SLC9A8: variants seen among roughly 807,000 people sequenced by gnomAD.
The protein encoded by SLC9A8 is sodium/hydrogen exchanger 8.
A neutral mutation model predicts 66.6 loss-of-function variants in SLC9A8; 48 were observed. The observed-to-expected ratio is 0.72, with a 90% confidence interval of 0.57 to 0.92. The LOEUF (loss-of-function observed/expected upper bound fraction) is 0.92. Ranked by LOEUF, SLC9A8 falls within the 40% of genes least tolerant of loss-of-function variation. SLC9A8 has a pLI of 0.00. For synonymous variants in SLC9A8, 274 were observed against 282.6 expected, an observed-to-expected ratio of 0.97 and a Z score of 0.31; for missense variants, 599 against 747.3, an observed-to-expected ratio of 0.80 and a Z score of 2.31.
intron 15 of SLC9A8, among the ~76,000 whole-genome samples, 188 bp from the exon 16 acceptor site, chr20:49,887,641 G>A (rs1024698299): frequency 6.6e-6 from 1 of 152,088 alleles, no homozygotes; most frequent in Non-Finnish European, 1.5e-5. Flanking sequence ...GACACCTCCC[G>A]TGACCTCCAC....
chr20:49,875,652 G>GCT (rs1321744167), intron 11 of SLC9A8, among the ~76,000 whole-genome samples: 1 of 152,132 alleles, frequency 6.6e-6, no homozygotes, highest in Non-Finnish European at 1.5e-5. Flanking sequence ...TCGGGGAACA[G>GCT]CTCTCACCAT....
intron 3 of SLC9A8, chr20:49,830,741 G>C (rs760167701): frequency 2.7e-6 from 2 of 738,698 alleles, no homozygotes; most frequent in Non-Finnish European, 4.8e-6. Context: ...AGATGATGCT[G>C]ATTGTAAACA....
intron 3 of SLC9A8, among the ~76,000 whole-genome samples, chr20:49,833,459 CA>C (rs973576228): frequency 3.3e-5 from 5 of 152,010 alleles, no homozygotes; most frequent in Admixed American, 1.3e-4. Context: ...TTCTTGGTAA[CA>C]AAAAAAATTA....
intron 4 of SLC9A8, among the ~76,000 whole-genome samples, chr20:49,842,059 A>ATTTTTTTTTTTT (rs201138846): frequency 7.0e-6 from 1 of 142,374 alleles, no homozygotes; most frequent in African/African-American, 2.6e-5. Flanking sequence ...ATTTTATTTT[A>ATTTTTTTTTTTT]TTTTTTTTTT....
At chr20:49,880,525 T>G (rs1001748542) in intron 12 of SLC9A8, among the ~76,000 whole-genome samples, 3 of 152,192 alleles carry the variant, frequency 2.0e-5, no homozygotes, top group Non-Finnish European at 4.4e-5. Flanking sequence ...AGTCCTGGTA[T>G]GATCAATGCA....
At chr20:49,844,044 T>C (rs1434610711) in intron 4 of SLC9A8, among the ~76,000 whole-genome samples, 2 of 152,172 alleles carry the variant, frequency 1.3e-5, no homozygotes, top group South Asian at 2.1e-4. Flanking sequence ...AAGGTTCTTA[T>C]CAGATACCCA....
chr20:49,847,658 A>G (rs985726857), intron 5 of SLC9A8, among the ~76,000 whole-genome samples: 2 of 152,142 alleles, frequency 1.3e-5, no homozygotes, highest in African/African-American at 2.4e-5. Flanking sequence ...GATTACAGTA[A>G]GATTATCATC....
chr20:49,839,387 G>T (rs914163377), intron 3 of SLC9A8, among the ~76,000 whole-genome samples, 154 bp from the exon 4 acceptor site: 33 of 152,196 alleles, frequency 2.2e-4, no homozygotes, highest in African/African-American at 7.5e-4. Flanking sequence ...TGTGATAGAT[G>T]TCTCACGTCT....
chr20:49,886,546 G>T lies in SLC9A8; in HGVS notation c.1492-206G>T. On this transcript the variant is annotated intron_variant, in intron 14 of 15. Coordinates refer to ENST00000361573, the MANE Select transcript of SLC9A8 (RefSeq NM_015266.3). The surrounding 1 kb of genome is among the most constrained non-coding windows in gnomAD (Gnocchi z 4.8). ...TTCTGTTTTAGCTGTCCTAGGTGGG[G>T]TCCTGGGCATCCATTGTGCCCTGAT... 1.8e-6 allele frequency: 1 copy of T among 563,078 alleles called. No homozygotes were observed. The highest frequency in any genetic ancestry group is 3.1e-5 in the East Asian group (1 of 32,782). 34.9% of individuals were successfully genotyped at this position (563,078 alleles called of 1,614,324 possible). A position where few individuals can be genotyped will look rare whatever the true frequency, so the allele number is the denominator to read the frequency against.
rs2090059860 is a variant in SLC9A8 at position 49,892,176 on chromosome 20, A to G, written c.*4240A>G. Reference sequence around the variant, plus strand: ...GTTGGACTCTTTAAGGGAGTCAGGAATAGATGTATGAACAGTCGTGTCACT... The same window carrying G: ...GTTGGACTCTTTAAGGGAGTCAGGAGTAGATGTATGAACAGTCGTGTCACT... On this transcript the variant is annotated 3_prime_UTR_variant, in exon 16 of 16. Coordinates refer to ENST00000361573, the MANE Select transcript of SLC9A8 (RefSeq NM_015266.3). 1 of 152,210 alleles carries G rather than the reference A, an allele frequency of 6.6e-6. No individual in the cohort carries two copies. Among genetic ancestry groups the G allele is most frequent in the African/African-American group, 2.4e-5 (1 of 41,438 alleles). 9.4% of individuals were successfully genotyped at this position (152,210 alleles called of 1,614,324 possible). A position where few individuals can be genotyped will look rare whatever the true frequency, so the allele number is the denominator to read the frequency against.
At position 49,830,938 on chromosome 20, in the gene SLC9A8, G is replaced by A; in HGVS notation, c.289+7797G>A. On this transcript the variant is annotated intron_variant, in intron 3 of 15. Coordinates refer to ENST00000361573, the MANE Select transcript of SLC9A8 (RefSeq NM_015266.3). ...CCTGATTTCTACTGAAATACATGCA[G>A]AAGGATCTCTGCTTAGCCATTGCGC... 6.0e-6 allele frequency: 5 copies of A among 830,920 alleles called. No homozygotes were observed. In the South Asian group the frequency reaches 6.6e-5, roughly 11 times the overall value. 51.5% of individuals were successfully genotyped at this position (830,920 alleles called of 1,614,324 possible). A position where few individuals can be genotyped will look rare whatever the true frequency, so the allele number is the denominator to read the frequency against.
At position 49,874,733 on chromosome 20, in the gene SLC9A8, C is replaced by CAA; in HGVS notation, c.987_988insAA (p.Val330LysfsTer2). ...TCATGGCCATCCTTTTCTCAGGCAT[C>CAA]GTGATGTCCCACTACACGCACCATA... On this transcript the variant is annotated frameshift_variant, in exon 11 of 16. Coordinates refer to ENST00000361573, the MANE Select transcript of SLC9A8 (RefSeq NM_015266.3). LOFTEE classifies it high-confidence loss of function. 1 of 1,612,450 alleles carries CAA rather than the reference C, an allele frequency of 6.2e-7. No individual in the cohort carries two copies. Among genetic ancestry groups the CAA allele is most frequent in the Non-Finnish European group, 8.5e-7 (1 of 1,178,460 alleles).
At chr20:49,813,068 G>A in intron 1 of SLC9A8, 120 bp downstream of exon 1, 1 of 592,474 alleles carries the variant, frequency 1.7e-6, no homozygotes, top group Admixed American at 4.8e-5. Context: ...GGTTGGCCAG[G>A]ACTGACCAAG....
intron 5 of SLC9A8, among the ~76,000 whole-genome samples, chr20:49,849,123 C>T (rs952757487): frequency 4.6e-5 from 7 of 152,100 alleles, no homozygotes; most frequent in South Asian, 4.1e-4. Context: ...ACAACCTGCT[C>T]GAAGCCACCA....
chr20:49,834,208 TATATATAC>T (rs1246260305), intron 3 of SLC9A8, among the ~76,000 whole-genome samples: 24 of 115,574 alleles, frequency 2.1e-4, no homozygotes, highest in African/African-American at 7.3e-4. Flanking sequence ...TATATATATA[TATATATAC>T]ACACACACAC....
rs3091810 is a variant in SLC9A8, at chr20:49,847,907, G to GTTTTT, written c.433-1657_433-1653dup. ...CAAACAGGTCAAAACTGATTAATCT[G>GTTTTT]TTTTTTTTTTTTTTTTTTTGAGATG... On this transcript the variant is annotated intron_variant, in intron 5 of 15. Coordinates refer to ENST00000361573, the MANE Select transcript of SLC9A8 (RefSeq NM_015266.3). Among the ~76,000 whole-genome samples the GTTTTT allele has an allele frequency of 3.0e-4, 34 of 115,168 alleles. 2 individuals are homozygous for GTTTTT. The highest frequency in any genetic ancestry group is 4.4e-4 in the African/African-American group (13 of 29,576). 75.6% of individuals were successfully genotyped at this position (115,168 alleles called of 152,430 possible). A position where few individuals can be genotyped will look rare whatever the true frequency, so the allele number is the denominator to read the frequency against.
chr20:49,814,998 T>C lies in SLC9A8; in HGVS notation c.27-10T>C. ...TTCCATTATCTAATTATGCTTTCTA[T>C]GTCCTCCAGGAGGTTCCCCAATACA... On this transcript the variant is annotated splice_polypyrimidine_tract_variant and intron_variant, in intron 1 of 15. Coordinates refer to ENST00000361573, the MANE Select transcript of SLC9A8 (RefSeq NM_015266.3). The C allele has an allele frequency of 6.6e-7, 1 of 1,509,704 alleles. No individual in the cohort carries two copies. Among genetic ancestry groups the C allele is most frequent in the Non-Finnish European group, 8.9e-7 (1 of 1,122,068 alleles). 93.5% of individuals were successfully genotyped at this position (1,509,704 alleles called of 1,614,324 possible). A position where few individuals can be genotyped will look rare whatever the true frequency, so the allele number is the denominator to read the frequency against.
At chr20:49,829,869 G>A in intron 3 of SLC9A8, 1 of 567,124 alleles carries the variant, frequency 1.8e-6, no homozygotes, top group Admixed American at 1.9e-5. Flanking sequence ...GGAAAGAAGG[G>A]GGTGTCTTCG....
rs1600823664 is a variant in SLC9A8 at position 49,884,338 on chromosome 20, C to CACACACACA, written c.1491+272_1491+273insACACACACA. On this transcript the variant is annotated intron_variant, in intron 14 of 15. Coordinates refer to ENST00000361573, the MANE Select transcript of SLC9A8 (RefSeq NM_015266.3). ...CACACACACACACACACACACACAC[C>CACACACACA]CCCCGGTCATCCCCCCTGAGAAGGA... 8.4e-3 allele frequency among the ~76,000 whole-genome samples: 376 copies of CACACACACA among 44,578 alleles called. 130 individuals are homozygous for CACACACACA. Among genetic ancestry groups the CACACACACA allele is most frequent in the African/African-American group, 0.015 (159 of 10,802 alleles). The allele number at this position is 44,578 out of a possible 152,430, so 29.2% of individuals were successfully genotyped here.
Sources: gnomAD v4.1 joint callset for allele counts (sites outside exome capture counted in the v4.1 genomes callset) on GRCh38, gnomAD v4.1.1 for gene constraint, Gnocchi (gnomAD v3.1) non-coding constraint, MANE v1.5 for transcripts, NCBI Gene and HGNC (gene_info 2026-07-23, HGNC 2026-07-21) for gene names.